Variants in COL6A3 observed in about 807,000 individuals in gnomAD.
COL6A3 encodes collagen type VI alpha 3 chain.
A neutral mutation model predicts 274.1 loss-of-function variants in COL6A3; 137 were observed. The observed-to-expected ratio is 0.50, with a 90% CI of 0.44 to 0.58. COL6A3 has a LOEUF of 0.58. Ranked by LOEUF, COL6A3 falls within the 20% of genes least tolerant of loss-of-function variation. The pLI is 0.00. For synonymous variants in COL6A3, 1,650 were observed against 1,650.6 expected, an observed-to-expected ratio of 1.00 and a Z score of 0.01; for missense variants, 3,950 against 4,124.9, an observed-to-expected ratio of 0.96 and a Z score of 1.16.
At position 237,344,425 on chromosome 2, in the gene COL6A3, G is replaced by A. The variant is rs773635132; in HGVS notation, c.7593C>T (p.Leu2531=). 3.1e-6 allele frequency: 5 copies of A among 1,614,220 alleles called. No individual in the cohort carries two copies. Among genetic ancestry groups the A allele is most frequent in the Non-Finnish European group, 4.2e-6 (5 of 1,180,034 alleles). ...GGGTGATCCCCGCATCTGAGAGCTT[G>A]AGCACAGCCTCTCTGAGCTGTGGGG... ...RASPQLREAV[L]KLSDAGITPL... is the part of the protein sequence containing the mutation. Residue 2531 remains leucine (L), a synonymous_variant, in exon 36 of 44, where the codon CTC becomes CTT. Transcript: ENST00000295550. The surrounding 1 kb of genome is among the most constrained non-coding windows in gnomAD (Gnocchi z 4.8).
Position 237,413,412 on chromosome 2 carries a change from T to C in COL6A3, c.-31+541A>G, listed in dbSNP as rs1430573506. 6.6e-6 allele frequency among the ~76,000 whole-genome samples: 1 copy of C among 152,200 alleles called. No individual in the cohort carries two copies. The highest frequency in any genetic ancestry group is 2.4e-5 in the African/African-American group (1 of 41,438). On this transcript the variant is annotated intron_variant, in intron 1 of 43. Transcript: ENST00000295550. The surrounding 1 kb of genome is among the most constrained non-coding windows in gnomAD (Gnocchi z 4.0). ...TGGCCCTGATCCTGAGCACCAGAGT[T>C]ACTCCAATCTTGTGAAAGCAGCAAA...
At chr2:237,363,149 C>CG in intron 14 of COL6A3, 104 bp downstream of exon 14, 1 of 1,159,164 alleles carries the variant, frequency 8.6e-7, no homozygotes, top group Non-Finnish European at 1.3e-6. Context: ...CAAGGCCCCC[C>CG]CCCCACCTCC....
At chr2:237,333,676 C>G (rs1248989154) in intron 41 of COL6A3, 128 bp from the exon 42 acceptor site, 1 of 808,346 alleles carries the variant, frequency 1.2e-6, no homozygotes, top group Non-Finnish European at 2.1e-6. Context: ...GATTGAAAGA[C>G]ACAGATCCAA....
In COL6A3 at chr2:237,334,904, A is replaced by G; in HGVS notation, c.8966-15T>C. ...GGACATCTTAACTGAAAGATAGATC[A>G]GAGCGTGAAGATAAAAAATAAAATC... is the stretch of plus-strand genomic sequence containing the variant. On this transcript the variant is annotated splice_polypyrimidine_tract_variant and intron_variant, in intron 40 of 43. Coordinates refer to ENST00000295550, the MANE Select transcript of COL6A3 (RefSeq NM_004369.4). 6.2e-7 allele frequency: 1 copy of G among 1,614,028 alleles called. No individual in the cohort carries two copies. The highest frequency in any genetic ancestry group is 8.5e-7 in the Non-Finnish European group (1 of 1,179,948).
At position 237,394,714 on chromosome 2, in the gene COL6A3, A is replaced by G; in HGVS notation, c.582T>C (p.Asn194=). 1.2e-6 allele frequency: 2 copies of G among 1,614,232 alleles called. No homozygotes were observed. The highest frequency in any genetic ancestry group is 1.7e-6 in the Non-Finnish European group (2 of 1,180,038). Reference sequence around the variant, plus strand: ...AATTCTCTAGGTTGAACATATGCATATTGAGCGGTTCACTTGCTATTTCTT... The same window carrying G: ...AATTCTCTAGGTTGAACATATGCATGTTGAGCGGTTCACTTGCTATTTCTT... The part of the protein sequence containing the change: ...ALKEIASEPL[N]MHMFNLENFT... The change falls in exon 3 of 44, where the codon AAT becomes AAC. Residue 194 remains asparagine (N), a synonymous_variant. Transcript: ENST00000295550.
chr2:237,376,663 C>T (rs2077848604), intron 7 of COL6A3, 109 bp downstream of exon 7: 3 of 1,098,548 alleles, frequency 2.7e-6, no homozygotes, highest in Admixed American at 3.4e-5. Context: ...TCCACCTTTC[C>T]TGTAAACTCA....
rs1574726093 is a variant in COL6A3, at chr2:237,381,330, C to T, written c.1482G>A (p.Arg494=). ...VAVAQYADTV[R]PEFYFNTHPT... Reference sequence around the variant, plus strand: ...GATGGGTATTGAAATAAAATTCAGGCCTCACAGTGTCTGCATACTGGGCCA... The same window carrying T: ...GATGGGTATTGAAATAAAATTCAGGTCTCACAGTGTCTGCATACTGGGCCA... The change falls in exon 5 of 44, where the codon AGG becomes AGA. Residue 494 remains arginine (R), a synonymous_variant. Transcript: ENST00000295550. 6.2e-7 allele frequency: 1 copy of T among 1,614,210 alleles called. No individual in the cohort carries two copies. The highest frequency in any genetic ancestry group is 2.2e-5 in the East Asian group (1 of 44,884).
At chr2:237,398,725 G>A (rs1184890628) in intron 1 of COL6A3, among the ~76,000 whole-genome samples, 1 of 152,194 alleles carries the variant, frequency 6.6e-6, no homozygotes, top group Non-Finnish European at 1.5e-5. Flanking sequence ...ATTTTGCAAT[G>A]ATGTGCATGT....
chr2:237,394,887 G>C lies in COL6A3; in HGVS notation c.409C>G (p.Arg137Gly), dbSNP rs143819673. ...QSHLTKAAGS[R>G]AGDGVPQVIV... ...ACCTGAGGGACTCCGTCACCGGCCC[G>C]GCTTCCAGCAGCCTTGGTGAGGTGG... Residue 137 changes from arginine (R) to glycine (G), a missense_variant, in exon 3 of 44, where the codon CGG (arginine) becomes GGG (glycine). Physicochemically the swap from Arg to Gly is moderately radical, Grantham distance 125. Coordinates refer to ENST00000295550, the MANE Select transcript of COL6A3 (RefSeq NM_004369.4). 1.9e-6 allele frequency: 3 copies of C among 1,611,464 alleles called. No homozygotes were observed. The African/African-American group carries it at 4.0e-5, about 22-fold the overall frequency.
In COL6A3 at chr2:237,364,468, A is replaced by C; in HGVS notation, c.5839-40T>G. ...GCTGTCAAATCCCAGGAAAACTAAA[A>C]AGGAGTGTTGCAGACTGCTGATAGA... On this transcript the variant is annotated intron_variant, in intron 12 of 43. Transcript: ENST00000295550. This position sits in a 1 kb window ranked among gnomAD's most constrained non-coding sequence, Gnocchi z 4.6. 1.3e-6 allele frequency: 2 copies of C among 1,501,026 alleles called. No individual in the cohort carries two copies. The highest frequency in any genetic ancestry group is 1.1e-5 in the South Asian group (1 of 88,882). The allele number at this position is 1,501,026 out of a possible 1,614,324, so 93.0% of individuals were successfully genotyped here. A position where few individuals can be genotyped will look rare whatever the true frequency, so the allele number is the denominator to read the frequency against.
intron 43 of COL6A3, 94 bp downstream of exon 43, chr2:237,325,466 T>C: frequency 7.6e-7 from 1 of 1,321,008 alleles, no homozygotes; most frequent in East Asian, 2.3e-5. Flanking sequence ...TTCACATGTA[T>C]CATAATCATT....
At chr2:237,358,755 A>G (rs1329727381) in intron 20 of COL6A3, among the ~76,000 whole-genome samples, 172 bp from the exon 21 acceptor site, 2 of 152,238 alleles carry the variant, frequency 1.3e-5, no homozygotes, top group African/African-American at 2.4e-5. Context: ...TAGTAAATCC[A>G]TGAATATTTA....
chr2:237,342,210 A>C, intron 36 of COL6A3, 49 bp from the exon 37 acceptor site: 3 of 1,379,794 alleles, frequency 2.2e-6, no homozygotes, highest in Non-Finnish European at 3.1e-6. Flanking sequence ...ATGATCAGTA[A>C]TATCTGAAAA....
chr2:237,356,536 C>T (rs559786194), intron 23 of COL6A3, among the ~76,000 whole-genome samples: 2 of 152,172 alleles, frequency 1.3e-5, no homozygotes, highest in South Asian at 2.1e-4. Context: ...AGTGCCGGGC[C>T]GAACGAGCCA....
Position 237,371,082 on chromosome 2 carries a change from A to G in COL6A3, c.4285+650T>C, listed in dbSNP as rs2077674412. On this transcript the variant is annotated intron_variant, in intron 9 of 43. Coordinates refer to ENST00000295550, the MANE Select transcript of COL6A3 (RefSeq NM_004369.4). The surrounding 1 kb of genome is among the most constrained non-coding windows in gnomAD (Gnocchi z 4.3). ...AAGATACAGCTACAGAATCACCTCC[A>G]CGTCTTGACAACATCCAATCCAGGC... 1.3e-5 allele frequency among the ~76,000 whole-genome samples: 2 copies of G among 152,182 alleles called. No homozygotes were observed. Among genetic ancestry groups the G allele is most frequent in the African/African-American group, 4.8e-5 (2 of 41,440 alleles).
At chr2:237,395,796 GAACA>G (rs2078424769) in intron 2 of COL6A3, among the ~76,000 whole-genome samples, 8 of 152,190 alleles carry the variant, frequency 5.3e-5, no homozygotes, top group Admixed American at 3.3e-4. Context: ...TTTTGAGCAT[GAACA>G]AACTGTACTC....
chr2:237,332,094 TATATATATATATA>T lies in COL6A3; in HGVS notation c.9328+1343_9328+1355del, dbSNP rs1263159991. ...ACATATATATATATATATATATATATATATATATATATATATATATATATGAAAAGAAAAACAA... is the reference window on the plus strand; with the variant it reads ...ACATATATATATATATATATATATATTATATATATATGAAAAGAAAAACAA... On this transcript the variant is annotated intron_variant, in intron 42 of 43. Transcript: ENST00000295550. 2.4e-3 allele frequency among the ~76,000 whole-genome samples: 89 copies of T among 36,886 alleles called. 11 individuals are homozygous for T. Among genetic ancestry groups the T allele is most frequent in the East Asian group, 9.3e-3 (11 of 1,188 alleles). 24.2% of individuals were successfully genotyped at this position (36,886 alleles called of 152,430 possible). A position where few individuals can be genotyped will look rare whatever the true frequency, so the allele number is the denominator to read the frequency against.
chr2:237,389,445 G>T (rs2078233394), intron 3 of COL6A3, among the ~76,000 whole-genome samples: 1 of 152,168 alleles, frequency 6.6e-6, no homozygotes, highest in Admixed American at 6.5e-5. Flanking sequence ...TTAAATGATG[G>T]TAATATTATA....
Position 237,359,358 on chromosome 2 carries a change from A to G in COL6A3, c.6309+4T>C. On this transcript the variant is annotated splice_donor_region_variant and intron_variant, in intron 18 of 43. Transcript: ENST00000295550. The stretch of plus-strand genomic sequence containing the variant: ...ATTTGTAAAACAAAACCAAGCTTGC[A>G]TACCTTCTCTCCTGGGAATCCCCGA... 6.2e-7 allele frequency: 1 copy of G among 1,614,100 alleles called. No homozygotes were observed. The highest frequency in any genetic ancestry group is 8.5e-7 in the Non-Finnish European group (1 of 1,180,018).
Sources: allele counts gnomAD v4.1 joint callset (sites outside exome capture counted in the v4.1 genomes callset), GRCh38; gene constraint gnomAD v4.1.1; non-coding constraint Gnocchi (gnomAD v3.1); transcripts MANE v1.5; gene names NCBI Gene and HGNC (gene_info 2026-07-23, HGNC 2026-07-21).